The following KLHL20 variants were observed in gnomAD, a reference collection of about 807,000 sequenced individuals.
The protein encoded by KLHL20 is kelch like family member 20.
Under a neutral mutation model 69.5 loss-of-function variants are expected in KLHL20, and 29 were observed. That is an observed-to-expected ratio of 0.42 (90% CI 0.31 to 0.57). KLHL20 has a LOEUF of 0.57. Ranked by LOEUF, KLHL20 falls within the 20% of genes least tolerant of loss-of-function variation. KLHL20 has a pLI of 0.18. For missense variants in KLHL20, 419 were observed against 776.0 expected, an observed-to-expected ratio of 0.54 and a Z score of 5.47; for synonymous variants, 253 against 265.2, an observed-to-expected ratio of 0.95 and a Z score of 0.45.
At chr1:173,763,530 A>G (rs1442309883) in intron 7 of KLHL20, among the ~76,000 whole-genome samples, 1 of 152,216 alleles carries the variant, frequency 6.6e-6, no homozygotes, top group Non-Finnish European at 1.5e-5. Flanking sequence ...TACTGGTATA[A>G]AAACAGGCAC....
intron 2 of KLHL20, among the ~76,000 whole-genome samples, chr1:173,727,218 C>G (rs913369246): frequency 3.3e-5 from 5 of 149,796 alleles, no homozygotes; most frequent in African/African-American, 1.2e-4. Flanking sequence ...AAAAAAAAAA[C>G]GAGCAAAGCC....
At chr1:173,746,589 GGT>G (rs1673069751) in intron 3 of KLHL20, among the ~76,000 whole-genome samples, 2 of 151,904 alleles carry the variant, frequency 1.3e-5, no homozygotes, top group South Asian at 4.1e-4. Flanking sequence ...CTGTAGCAGT[GGT>G]TATTTACCCT....
intron 10 of KLHL20, among the ~76,000 whole-genome samples, chr1:173,778,227 C>G (rs1021061155): frequency 6.6e-6 from 1 of 152,022 alleles, no homozygotes; most frequent in Non-Finnish European, 1.5e-5. Context: ...CCTCAGCCCC[C>G]CACCCCCCGA....
Position 173,734,066 on chromosome 1 carries a change from C to G in KLHL20, c.377C>G (p.Ala126Gly). ...GCTATGGAATTACTGATTGACTTTG[C>G]GTATACCTCCCAGATAACAGTAGAA... is the stretch of plus-strand genomic sequence containing the variant. ...ERAMELLIDF[A>G]YTSQITVEEG... Residue 126 changes from alanine (A) to glycine (G), a missense_variant, in exon 3 of 12, where the codon GCG (alanine) becomes GGG (glycine). Physicochemically the swap from Ala to Gly is moderately conservative, Grantham distance 60. Transcript: ENST00000209884. The G allele has an allele frequency of 6.2e-7, 1 of 1,614,144 alleles. No homozygotes were observed. Among genetic ancestry groups the G allele is most frequent in the Non-Finnish European group, 8.5e-7 (1 of 1,180,020 alleles).
At position 173,785,353 on chromosome 1, in the gene KLHL20, C is replaced by T. The variant is rs1007508068; in HGVS notation, c.*106C>T. ...CATTAGAACAAATTTTATTATTTGC[C>T]GGTGCCTCAACAAATGGAAATACAA... On this transcript the variant is annotated 3_prime_UTR_variant, in exon 12 of 12. Transcript: ENST00000209884. 24 of 614,076 alleles carry T rather than the reference C, an allele frequency of 3.9e-5. No homozygotes were observed. Among genetic ancestry groups the T allele is most frequent in the Middle Eastern group, 5.8e-4 (2 of 3,464 alleles). The allele number at this position is 614,076 out of a possible 1,614,324, so 38.0% of individuals were successfully genotyped here. A position where few individuals can be genotyped will look rare whatever the true frequency, so the allele number is the denominator to read the frequency against.
intron 10 of KLHL20, among the ~76,000 whole-genome samples, chr1:173,780,022 G>A (rs559902011): frequency 1.6e-4 from 25 of 152,250 alleles, no homozygotes; most frequent in African/African-American, 3.6e-4. Context: ...GGAGTTCATC[G>A]AGACATCCAC....
At chr1:173,781,193 A>C (rs1485159653) in intron 10 of KLHL20, among the ~76,000 whole-genome samples, 1 of 152,188 alleles carries the variant, frequency 6.6e-6, no homozygotes, top group Non-Finnish European at 1.5e-5. Context: ...TTAGGAGTAA[A>C]GGGAAACTAT....
At chr1:173,775,878 C>A (rs1157748689) in intron 10 of KLHL20, 36 bp downstream of exon 10, 1 of 1,582,638 alleles carries the variant, frequency 6.3e-7, no homozygotes, top group Non-Finnish European at 8.7e-7. Flanking sequence ...GCTTCCAAAT[C>A]TTGGCTATTA....
At chr1:173,750,079 G>A (rs1025501918) in intron 3 of KLHL20, among the ~76,000 whole-genome samples, 3 of 151,986 alleles carry the variant, frequency 2.0e-5, no homozygotes, top group Non-Finnish European at 2.9e-5. Context: ...AGAAAAAAAT[G>A]CAACCATTCT....
chr1:173,776,492 T>G (rs1558223887), intron 10 of KLHL20, among the ~76,000 whole-genome samples: 1 of 152,212 alleles, frequency 6.6e-6, no homozygotes, highest in Non-Finnish European at 1.5e-5. Flanking sequence ...AAAAAAATCT[T>G]TGCCCAGACC....
chr1:173,727,745 A>G (rs1467055356), intron 2 of KLHL20, among the ~76,000 whole-genome samples: 2 of 152,228 alleles, frequency 1.3e-5, no homozygotes, highest in Admixed American at 6.5e-5. Flanking sequence ...GAGCTCCTGA[A>G]GGAGGCACTA....
intron 3 of KLHL20, among the ~76,000 whole-genome samples, chr1:173,737,536 A>G (rs1237818370): frequency 2.0e-5 from 3 of 152,142 alleles, no homozygotes; most frequent in Middle Eastern, 3.2e-3. Context: ...GGCTTTAACT[A>G]TTTGGCTTTA....
intron 2 of KLHL20, among the ~76,000 whole-genome samples, chr1:173,727,044 G>C (rs1201557672): frequency 1.3e-5 from 2 of 152,128 alleles, no homozygotes; most frequent in Non-Finnish European, 2.9e-5. Flanking sequence ...ACGCAGAGAA[G>C]TCCTTAAAGG....
chr1:173,783,109 T>C (rs1648978483), intron 11 of KLHL20, among the ~76,000 whole-genome samples: 1 of 152,244 alleles, frequency 6.6e-6, no homozygotes. Flanking sequence ...ATGTATGGCA[T>C]ATCTGTACTT....
At chr1:173,734,471 G>T (rs1389292955) in intron 3 of KLHL20, 185 bp downstream of exon 3, 39 of 619,378 alleles carry the variant, frequency 6.3e-5, no homozygotes, top group Non-Finnish European at 1.1e-4. Flanking sequence ...CTACCAGCAA[G>T]TTAAGATTTA....
chr1:173,766,187 C>T lies in KLHL20; in HGVS notation c.1193C>T (p.Pro398Leu). ...AACCAGTGGAGCAGTGATGTGGCCC[C>T]TACAAGCACCTGCAGGACAAGTGTT... The part of the protein sequence containing the change: ...KTNQWSSDVA[P>L]TSTCRTSVGV... The change falls in exon 8 of 12, where the codon CCT becomes CTT. Residue 398 changes from proline (P) to leucine (L), a missense_variant. Physicochemically the swap from Pro to Leu is moderately conservative, Grantham distance 98. This residue lies in a region of KLHL20 where 32 missense variants were observed against 98.9 expected (regional missense o/e 0.32). Coordinates refer to ENST00000209884, the MANE Select transcript of KLHL20 (RefSeq NM_014458.4). 1 of 1,611,884 alleles carries T rather than the reference C, an allele frequency of 6.2e-7. No homozygotes were observed. The highest frequency in any genetic ancestry group is 8.5e-7 in the Non-Finnish European group (1 of 1,179,024).
chr1:173,761,298 A>G (rs542215832), intron 7 of KLHL20, among the ~76,000 whole-genome samples: 17 of 152,312 alleles, frequency 1.1e-4, no homozygotes, highest in Admixed American at 2.6e-4. Context: ...GGAGACTTCA[A>G]TATTCCACTG....
At chr1:173,728,355 A>T (rs1450520658) in intron 2 of KLHL20, among the ~76,000 whole-genome samples, 1 of 152,202 alleles carries the variant, frequency 6.6e-6, no homozygotes, top group Non-Finnish European at 1.5e-5. Context: ...GTTAACAAGG[A>T]TATCCAGGAT....
In KLHL20 at chr1:173,774,320, G is replaced by T. The variant is rs760508138; in HGVS notation, c.1311G>T (p.Glu437Asp). 5 of 1,614,180 alleles carry T rather than the reference G, an allele frequency of 3.1e-6. No individual in the cohort carries two copies. Among genetic ancestry groups the T allele is most frequent in the Non-Finnish European group, 4.2e-6 (5 of 1,180,030 alleles). ...CTCACTGCAGGTATGATCCGAAGGA[G>T]AACAAGTGGACTCGGGTAGCTTCTA... ...LNIVERYDPK[E>D]NKWTRVASMS... The change falls in exon 9 of 12, where the codon GAG (glutamate) becomes GAT (aspartate). Residue 437 changes from glutamate (E) to aspartate (D), a missense_variant. Glu to Asp is a conservative substitution (Grantham distance 45, BLOSUM62 2). Coordinates refer to ENST00000209884, the MANE Select transcript of KLHL20 (RefSeq NM_014458.4).
Sources: gnomAD v4.1 joint callset for allele counts (sites outside exome capture counted in the v4.1 genomes callset) on GRCh38, gnomAD v4.1.1 for gene constraint, gnomAD v4.1.1 regional missense constraint, MANE v1.5 for transcripts, NCBI Gene and HGNC (gene_info 2026-07-23, HGNC 2026-07-21) for gene names.